Variants in DSCAM observed in about 807,000 individuals in gnomAD.
DSCAM encodes the protein DS cell adhesion molecule, also known as cell adhesion molecule DSCAM.
In DSCAM, 47 loss-of-function variants were observed where a neutral mutation model predicts 217.7. That is an observed-to-expected ratio of 0.22 (90% CI 0.17 to 0.28). The LOEUF (loss-of-function observed/expected upper bound fraction) is 0.28. Ranked by LOEUF, DSCAM falls within the 10% of genes least tolerant of loss-of-function variation. The pLI is 1.00. For missense variants in DSCAM, 2,080 were observed against 2,618.3 expected (o/e 0.79, Z 4.49); for synonymous variants, 1,056 against 1,015.3 (o/e 1.04, Z -0.76).
intron 3 of DSCAM, among the ~76,000 whole-genome samples, chr21:40,370,649 C>T (rs2074887196): frequency 6.6e-6 from 1 of 151,256 alleles, no homozygotes; most frequent in African/African-American, 2.4e-5. Context: ...GAGATAAGGT[C>T]TGGCTGTATT....
At chr21:40,190,793 A>G (rs2090945475) in intron 11 of DSCAM, among the ~76,000 whole-genome samples, 1 of 152,202 alleles carries the variant, frequency 6.6e-6, no homozygotes, top group Non-Finnish European at 1.5e-5. Flanking sequence ...AACTGAAACT[A>G]AAGAACACAT....
At chr21:40,538,737 C>T (rs1450688039) in intron 3 of DSCAM, among the ~76,000 whole-genome samples, 1 of 152,160 alleles carries the variant, frequency 6.6e-6, no homozygotes, top group East Asian at 1.9e-4. Context: ...CAAATCAGAT[C>T]TTAAGGCCTC....
chr21:40,345,679 T>A (rs957884904), intron 6 of DSCAM, among the ~76,000 whole-genome samples: 2 of 152,208 alleles, frequency 1.3e-5, no homozygotes, highest in African/African-American at 4.8e-5. Flanking sequence ...CTTTAATCCA[T>A]CGCTATTTCA....
At chr21:40,490,616 C>A (rs941604015) in intron 3 of DSCAM, among the ~76,000 whole-genome samples, 9 of 152,118 alleles carry the variant, frequency 5.9e-5, no homozygotes, top group Non-Finnish European at 1.2e-4. Flanking sequence ...GTACCCCCAC[C>A]CTGACGTCAC....
At chr21:40,690,954 A>AGAG (rs2090531674) in intron 3 of DSCAM, among the ~76,000 whole-genome samples, 1 of 152,204 alleles carries the variant, frequency 6.6e-6, no homozygotes, top group African/African-American at 2.4e-5. Context: ...GGGAGAAGGA[A>AGAG]GAGGATCAGG....
At chr21:40,551,454 T>G (rs2076629131) in intron 3 of DSCAM, among the ~76,000 whole-genome samples, 1 of 152,204 alleles carries the variant, frequency 6.6e-6, no homozygotes, top group Non-Finnish European at 1.5e-5. Context: ...AGATGAAGTC[T>G]CATAGGTGGC....
At chr21:40,157,736 C>G (rs1430851229) in intron 16 of DSCAM, among the ~76,000 whole-genome samples, 1 of 151,860 alleles carries the variant, frequency 6.6e-6, no homozygotes, top group African/African-American at 2.4e-5. Context: ...GCCTTGTCAC[C>G]CAGGCTGGAG....
chr21:40,466,390 T>C (rs571808016), intron 3 of DSCAM, among the ~76,000 whole-genome samples: 10 of 152,268 alleles, frequency 6.6e-5, no homozygotes, highest in African/African-American at 2.4e-4. Flanking sequence ...GCCCCAGGGT[T>C]ACAGCACTGG....
At chr21:40,787,652 G>A (rs1430595252) in intron 1 of DSCAM, among the ~76,000 whole-genome samples, 1 of 151,992 alleles carries the variant, frequency 6.6e-6, no homozygotes, top group Non-Finnish European at 1.5e-5. Context: ...GTAATACCAG[G>A]CCCTTCACTT....
Position 40,015,209 on chromosome 21 carries a change from G to A in DSCAM, c.5687-1823C>T, listed in dbSNP as rs533165203. Among the ~76,000 whole-genome samples, 44 of 152,096 alleles carry A rather than the reference G, an allele frequency of 2.9e-4. 2 individuals are homozygous for A. In the South Asian group the frequency reaches 6.9e-3, roughly 24 times the overall value. ...GGTGCTTTGCTAGGCATTTCCACAC[G>A]AGTGTCCATCTGGAATTCTGAAGGC... On this transcript the variant is annotated intron_variant, in intron 32 of 32. Transcript: ENST00000400454.
chr21:40,309,220 T>G (rs748182148), intron 9 of DSCAM, among the ~76,000 whole-genome samples: 5 of 152,182 alleles, frequency 3.3e-5, no homozygotes, highest in Non-Finnish European at 7.3e-5. Context: ...TCCTGCACAT[T>G]GACCTTCTTT....
rs1420661706 is a variant in DSCAM, at chr21:40,473,583, T to A, written c.509-104338A>T. On this transcript the variant is annotated intron_variant, in intron 3 of 32. Transcript: ENST00000400454. ...TCAGGTAGATCATACAGGTTCTATG[T>A]GTTACAGAATGTGCATATACAACTA... Among the ~76,000 whole-genome samples, 5 of 152,322 alleles carry A rather than the reference T, an allele frequency of 3.3e-5. No individual in the cohort carries two copies. The East Asian group carries it at 9.7e-4, about 29-fold the overall frequency.
At chr21:40,315,304 T>C (rs2123501261) in intron 8 of DSCAM, among the ~76,000 whole-genome samples, 1 of 151,600 alleles carries the variant, frequency 6.6e-6, no homozygotes, top group East Asian at 1.9e-4. Flanking sequence ...CTAGGGAGGC[T>C]GAGGCAGGAG....
intron 3 of DSCAM, among the ~76,000 whole-genome samples, chr21:40,377,358 T>C (rs908562706): frequency 2.6e-5 from 4 of 152,054 alleles, no homozygotes; most frequent in Middle Eastern, 3.4e-3. Context: ...ATGGCACAAG[T>C]GTGAGACGGC....
intron 3 of DSCAM, chr21:40,513,343 A>T (rs2089402181): frequency 6.6e-6 from 1 of 152,292 alleles, no homozygotes; most frequent in Admixed American, 6.5e-5. Flanking sequence ...AAATCTAAGA[A>T]CACAACTATG....
chr21:40,376,613 A>ATCTATATCTATATATCT (rs1354953058), intron 3 of DSCAM, among the ~76,000 whole-genome samples: 11 of 10,906 alleles, frequency 1.0e-3, no homozygotes, highest in Non-Finnish European at 1.9e-3. Context: ...TATATCTTAT[A>ATCTATATCTATATATCT]TAGATATCGA....
intron 8 of DSCAM, among the ~76,000 whole-genome samples, chr21:40,322,154 C>A (rs1269809326): frequency 6.6e-6 from 1 of 152,148 alleles, no homozygotes; most frequent in Non-Finnish European, 1.5e-5. Context: ...TGTTCTCCTG[C>A]GCCAGGTGTC....
At chr21:40,038,935 C>T (rs1210311108) in intron 32 of DSCAM, among the ~76,000 whole-genome samples, 1 of 147,784 alleles carries the variant, frequency 6.8e-6, no homozygotes, top group East Asian at 2.0e-4. Context: ...CCAAACGCCG[C>T]ATATTCTCAC....
At chr21:40,118,923 T>C (rs185569153) in intron 20 of DSCAM, among the ~76,000 whole-genome samples, 11 of 152,332 alleles carry the variant, frequency 7.2e-5, no homozygotes, top group African/African-American at 2.6e-4. Context: ...CCCTTTGTGG[T>C]TAAGACATGG....
Sources: gnomAD v4.1 joint callset for allele counts (sites outside exome capture counted in the v4.1 genomes callset) on GRCh38, gnomAD v4.1.1 for gene constraint, MANE v1.5 for transcripts, NCBI Gene and HGNC (gene_info 2026-07-23, HGNC 2026-07-21) for gene names.